The following MAST4 variants were observed in gnomAD, a reference collection of about 807,000 sequenced individuals.
MAST4 encodes the protein microtubule associated serine/threonine kinase family member 4.
A neutral mutation model predicts 162.7 loss-of-function variants in MAST4; 89 were observed. The observed-to-expected ratio is 0.55, with a 90% CI of 0.46 to 0.65. The LOEUF (loss-of-function observed/expected upper bound fraction) is 0.65. MAST4 is among the 30% of genes least tolerant of loss of function. MAST4 has a pLI of 0.00. For synonymous variants in MAST4, 1,479 were observed against 1,361.1 expected (o/e 1.09, Z -1.91); for missense variants, 3,153 against 3,374.0 (o/e 0.93, Z 1.62).
chr5:67,080,177 G>A (rs1270692832), intron 5 of MAST4, among the ~76,000 whole-genome samples: 1 of 152,148 alleles, frequency 6.6e-6, no homozygotes, highest in Non-Finnish European at 1.5e-5. Context: ...GAAGCCCCGG[G>A]TATCATTTGT....
chr5:66,859,119 T>C (rs1016575305), intron 3 of MAST4, among the ~76,000 whole-genome samples: 1 of 152,154 alleles, frequency 6.6e-6, no homozygotes, highest in Non-Finnish European at 1.5e-5. Context: ...TTTCTAGTTA[T>C]TTGCTTCTTA....
chr5:66,717,163 C>G (rs1750894385), intron 1 of MAST4, among the ~76,000 whole-genome samples: 1 of 152,094 alleles, frequency 6.6e-6, no homozygotes, highest in Admixed American at 6.5e-5. Flanking sequence ...AGGATGGGCC[C>G]AGGACTATCC....
intron 14 of MAST4, among the ~76,000 whole-genome samples, chr5:67,124,644 G>A (rs549337531): frequency 6.6e-6 from 1 of 152,304 alleles, no homozygotes; most frequent in East Asian, 1.9e-4. Context: ...TGACCTTTGT[G>A]ACTTGATCAA....
At chr5:66,965,470 T>C (rs527652503) in intron 4 of MAST4, among the ~76,000 whole-genome samples, 5 of 151,354 alleles carry the variant, frequency 3.3e-5, no homozygotes, top group Admixed American at 1.3e-4. Context: ...GCTAAGGTAG[T>C]GCAGAGGAGG....
chr5:66,693,639 G>T (rs1281425694), intron 1 of MAST4, among the ~76,000 whole-genome samples: 2 of 152,084 alleles, frequency 1.3e-5, no homozygotes, highest in East Asian at 3.8e-4. Flanking sequence ...AGTGCTAGAT[G>T]CCATCAAATC....
chr5:66,692,755 T>C lies in MAST4; in HGVS notation c.364-66954T>C, dbSNP rs116804182. ...TGGTCGGGGCCTGCTTTCTAGCTTATTGCTGACTTTCTTGCTATGTCCTCA... is the reference window on the plus strand; with the variant it reads ...TGGTCGGGGCCTGCTTTCTAGCTTACTGCTGACTTTCTTGCTATGTCCTCA... On this transcript the variant is annotated intron_variant, in intron 1 of 28. Coordinates refer to ENST00000403625, the MANE Select transcript of MAST4 (RefSeq NM_001164664.2). Among the ~76,000 whole-genome samples the C allele has an allele frequency of 2.8e-3, 419 of 152,260 alleles. 3 individuals are homozygous for C. Among genetic ancestry groups the C allele is most frequent in the African/African-American group, 9.7e-3 (403 of 41,554 alleles).
At chr5:67,014,568 T>G (rs951248533) in intron 4 of MAST4, among the ~76,000 whole-genome samples, 1 of 152,210 alleles carries the variant, frequency 6.6e-6, no homozygotes, top group African/African-American at 2.4e-5. Context: ...CTGTAAAACT[T>G]ATTTGTAGCA....
chr5:67,099,732 T>C (rs1217486920), intron 7 of MAST4, among the ~76,000 whole-genome samples: 1 of 152,132 alleles, frequency 6.6e-6, no homozygotes, highest in Non-Finnish European at 1.5e-5. Flanking sequence ...TTCCTGTCTT[T>C]CCTTGTTCCA....
chr5:67,166,094 A>G lies in MAST4; in HGVS notation c.6915A>G (p.Pro2305=). The G allele has an allele frequency of 1.2e-6, 2 of 1,612,706 alleles. No homozygotes were observed. The highest frequency in any genetic ancestry group is 1.7e-6 in the Non-Finnish European group (2 of 1,179,338). The change falls in exon 29 of 29, where the codon CCA becomes CCG. Residue 2305 remains proline, a synonymous_variant. Coordinates refer to ENST00000403625, the MANE Select transcript of MAST4 (RefSeq NM_001164664.2). The stretch of plus-strand genomic sequence containing the variant: ...TGCTGGAGAAGCCTGTGCATTTGCC[A>G]AGGCCGGGACACCCAGGGCCTAGTG... ...LEVLEKPVHL[P]RPGHPGPSEP...
chr5:66,733,890 G>T (rs538066642), intron 1 of MAST4, among the ~76,000 whole-genome samples: 1 of 152,134 alleles, frequency 6.6e-6, no homozygotes, highest in Non-Finnish European at 1.5e-5. Flanking sequence ...AATCTAAAAT[G>T]TCTTAGTATG....
chr5:66,790,636 C>G (rs756470272), intron 3 of MAST4, among the ~76,000 whole-genome samples: 24 of 152,132 alleles, frequency 1.6e-4, no homozygotes, highest in Non-Finnish European at 3.5e-4. Flanking sequence ...CCTCAAACTC[C>G]TGGGCTCAAG....
At chr5:67,068,488 G>T (rs1760517966) in intron 5 of MAST4, among the ~76,000 whole-genome samples, 1 of 152,158 alleles carries the variant, frequency 6.6e-6, no homozygotes, top group Non-Finnish European at 1.5e-5. Flanking sequence ...CACGAGAATA[G>T]CATGGGAGAA....
At chr5:67,060,667 C>G (rs759375439) in intron 5 of MAST4, among the ~76,000 whole-genome samples, 1 of 151,798 alleles carries the variant, frequency 6.6e-6, no homozygotes, top group Non-Finnish European at 1.5e-5. Flanking sequence ...TTAGTAGAGA[C>G]GGGGTTTTAT....
chr5:66,788,628 G>A (rs1406072105), intron 2 of MAST4, 42 bp from the exon 3 acceptor site: 5 of 713,072 alleles, frequency 7.0e-6, no homozygotes, highest in Non-Finnish European at 6.5e-6. Context: ...GACTACTACC[G>A]GCTGCCTGTC....
At chr5:66,599,190 A>G (rs1352562732) in intron 1 of MAST4, among the ~76,000 whole-genome samples, 1 of 152,128 alleles carries the variant, frequency 6.6e-6, no homozygotes, top group Non-Finnish European at 1.5e-5. Context: ...TCTTTGTGAA[A>G]GGGGTTGAAG....
chr5:66,904,818 A>G (rs1352168059), intron 4 of MAST4, among the ~76,000 whole-genome samples: 1 of 150,414 alleles, frequency 6.6e-6, no homozygotes, highest in Non-Finnish European at 1.5e-5. Flanking sequence ...GATTTGCTAC[A>G]GGAGTATATT....
At chr5:66,685,309 C>A (rs1419683814) in intron 1 of MAST4, among the ~76,000 whole-genome samples, 10 of 125,020 alleles carry the variant, frequency 8.0e-5, no homozygotes, top group Non-Finnish European at 1.5e-4. Flanking sequence ...AACAAAACCA[C>A]ACACCCCAAA....
chr5:66,703,111 G>T (rs2149513424), intron 1 of MAST4, among the ~76,000 whole-genome samples: 1 of 152,266 alleles, frequency 6.6e-6, no homozygotes, highest in East Asian at 1.9e-4. Flanking sequence ...CACTGCTAGT[G>T]CATTCTCCAT....
At chr5:66,697,097 C>CT (rs1297669101) in intron 1 of MAST4, among the ~76,000 whole-genome samples, 1 of 152,230 alleles carries the variant, frequency 6.6e-6, no homozygotes, top group East Asian at 1.9e-4. Flanking sequence ...TTGGCAGACA[C>CT]TTTCTTGAAT....
Sources: gnomAD v4.1 joint callset for allele counts (sites outside exome capture counted in the v4.1 genomes callset) on GRCh38, gnomAD v4.1.1 for gene constraint, MANE v1.5 for transcripts, NCBI Gene and HGNC (gene_info 2026-07-23, HGNC 2026-07-21) for gene names.